Variants in PINX1 observed in about 807,000 individuals in gnomAD.
PINX1 encodes the protein PIN2 (TERF1) interacting telomerase inhibitor 1, also known as PIN2/TERF1-interacting telomerase inhibitor 1.
In PINX1, 34 loss-of-function variants were observed where a neutral mutation model predicts 25.4. The ratio of observed to expected loss-of-function variants is 1.34; its 90% CI spans 1.02 to 1.78. The LOEUF (loss-of-function observed/expected upper bound fraction) is 1.78. PINX1 is among the 40% of genes most tolerant of loss of function. The pLI, the probability that PINX1 is intolerant of heterozygous loss-of-function variation, is 0.00. For missense variants in PINX1, 592 were observed against 404.9 expected, an observed-to-expected ratio of 1.46 and a Z score of -3.97; for synonymous variants, 197 against 147.7, an observed-to-expected ratio of 1.33 and a Z score of -2.42.
chr8:10,813,911 G>C (rs1214916257), intron 6 of PINX1, among the ~76,000 whole-genome samples: 3 of 138,976 alleles, frequency 2.2e-5, no homozygotes, highest in Non-Finnish European at 4.8e-5. Context: ...AAATGAGAGA[G>C]GAAAAAAAAA....
chr8:10,795,553 A>T (rs1802059225), intron 6 of PINX1, among the ~76,000 whole-genome samples: 1 of 152,170 alleles, frequency 6.6e-6, no homozygotes, highest in African/African-American at 2.4e-5. Flanking sequence ...GGCACACACT[A>T]CCATGCCTGG....
intron 6 of PINX1, among the ~76,000 whole-genome samples, chr8:10,818,771 G>C (rs1300106279): frequency 6.6e-6 from 1 of 152,158 alleles, no homozygotes; most frequent in Non-Finnish European, 1.5e-5. Flanking sequence ...CTGTTGGGCA[G>C]AGCAAAGGAG....
Position 10,819,729 on chromosome 8 carries a change from G to A in PINX1, c.471+464C>T, listed in dbSNP as rs879700393. On this transcript the variant is annotated intron_variant, in intron 6 of 6. Coordinates refer to ENST00000314787, the MANE Select transcript of PINX1 (RefSeq NM_017884.6). The stretch of plus-strand genomic sequence containing the variant: ...TACCCATCAAACCCCCTTATAGATG[G>A]TGCTGATCTAGCGCTGTCTCAAATG... 5.3e-5 allele frequency among the ~76,000 whole-genome samples: 8 copies of A among 152,304 alleles called. No individual in the cohort carries two copies. In the East Asian group the frequency reaches 9.6e-4, roughly 18 times the overall value.
At chr8:10,837,677 G>A (rs1173737938) in intron 1 of PINX1, among the ~76,000 whole-genome samples, 3 of 151,944 alleles carry the variant, frequency 2.0e-5, no homozygotes, top group Non-Finnish European at 2.9e-5. Context: ...TGGGTCTGTC[G>A]GGATACTTTT....
intron 1 of PINX1, among the ~76,000 whole-genome samples, chr8:10,839,263 C>T (rs1176466382): frequency 6.6e-6 from 1 of 152,206 alleles, no homozygotes; most frequent in Non-Finnish European, 1.5e-5. Context: ...AAGTGGCTGA[C>T]GTCCCATATT....
intron 6 of PINX1, among the ~76,000 whole-genome samples, chr8:10,772,127 A>C (rs1801245676): frequency 6.6e-6 from 1 of 152,264 alleles, no homozygotes; most frequent in Non-Finnish European, 1.5e-5. Flanking sequence ...TTCTTGCTAA[A>C]GAAGAGAACT....
chr8:10,784,376 C>G lies in PINX1; in HGVS notation c.472-18460G>C, dbSNP rs150690033. Among the ~76,000 whole-genome samples the G allele has an allele frequency of 1.1e-3, 173 of 152,262 alleles. 2 individuals carry two copies. Among genetic ancestry groups the G allele is most frequent in the African/African-American group, 3.9e-3 (162 of 41,550 alleles). On this transcript the variant is annotated intron_variant, in intron 6 of 6. Coordinates refer to ENST00000314787, the MANE Select transcript of PINX1 (RefSeq NM_017884.6). ...CTAAAACTTTTAACAATTTGGGAAT[C>G]GGAATTCGATACATTATTTTAAAGC...
chr8:10,809,846 T>A (rs1370286691), intron 6 of PINX1, among the ~76,000 whole-genome samples: 1 of 152,262 alleles, frequency 6.6e-6, no homozygotes, highest in Non-Finnish European at 1.5e-5. Flanking sequence ...TAGTCTGTTT[T>A]TGTATTGCTA....
chr8:10,771,367 T>C (rs747925061), intron 6 of PINX1: 15 of 152,242 alleles, frequency 9.9e-5, no homozygotes, highest in Non-Finnish European at 1.8e-4. Context: ...GTCCCGTGCA[T>C]CACTTTCTTG....
At chr8:10,810,929 A>G (rs1797495954) in intron 6 of PINX1, among the ~76,000 whole-genome samples, 1 of 152,250 alleles carries the variant, frequency 6.6e-6, no homozygotes, top group South Asian at 2.1e-4. Flanking sequence ...CAGTAGGTTT[A>G]TATTAAATAT....
intron 6 of PINX1, among the ~76,000 whole-genome samples, chr8:10,802,293 C>G (rs1326717425): frequency 2.0e-5 from 3 of 152,162 alleles, no homozygotes; most frequent in Non-Finnish European, 4.4e-5. Flanking sequence ...GCCAAGGAGA[C>G]AAACTTCTGT....
intron 6 of PINX1, among the ~76,000 whole-genome samples, chr8:10,776,820 G>C (rs946901325): frequency 1.4e-4 from 22 of 152,142 alleles, no homozygotes; most frequent in African/African-American, 5.3e-4. Flanking sequence ...GAGACGCAGA[G>C]CTTTGCCTTC....
At position 10,831,696 on chromosome 8, in the gene PINX1, T is replaced by C. The variant is rs1159776768; in HGVS notation, c.270A>G (p.Glu90=). Residue 90 remains glutamate, a synonymous_variant, in exon 4 of 7, where the codon GAA becomes GAG. Transcript: ENST00000314787. The stretch of plus-strand genomic sequence containing the variant: ...TTTCCTGCCCATGGCAAGTGTTCAG[T>C]TCGGCCAGAAGCTGGTTAAAATCAT... ...HQDDFNQLLA[E]LNTCHGQETT... 3.1e-6 allele frequency: 5 copies of C among 1,605,226 alleles called. No individual in the cohort carries two copies. The Admixed American group carries it at 8.4e-5, about 27-fold the overall frequency.
At chr8:10,773,579 A>G (rs992083200) in intron 6 of PINX1, among the ~76,000 whole-genome samples, 1 of 152,252 alleles carries the variant, frequency 6.6e-6, no homozygotes, top group Non-Finnish European at 1.5e-5. Flanking sequence ...GCTGGACTTT[A>G]GTAGAGAAAT....
At chr8:10,810,761 T>C (rs1797485966) in intron 6 of PINX1, among the ~76,000 whole-genome samples, 1 of 152,180 alleles carries the variant, frequency 6.6e-6, no homozygotes, top group Admixed American at 6.5e-5. Context: ...TATTAGAAGG[T>C]CACTGCCTTA....
intron 5 of PINX1, among the ~76,000 whole-genome samples, chr8:10,825,196 G>C (rs990713393): frequency 2.0e-5 from 3 of 152,190 alleles, no homozygotes; most frequent in Admixed American, 6.5e-5. Flanking sequence ...TCAGAGTAGT[G>C]GGGATTCCAG....
chr8:10,801,907 G>C (rs1586169945), intron 6 of PINX1, among the ~76,000 whole-genome samples: 1 of 152,084 alleles, frequency 6.6e-6, no homozygotes, highest in East Asian at 1.9e-4. Context: ...CTTGTCACAG[G>C]AAGTGTCAAG....
intron 6 of PINX1, among the ~76,000 whole-genome samples, chr8:10,775,935 G>C (rs1801379097): frequency 6.6e-6 from 1 of 152,094 alleles, no homozygotes; most frequent in African/African-American, 2.4e-5. Context: ...AGCGGGGTGG[G>C]GGCAACCCAA....
At chr8:10,780,544 A>G (rs1801554044) in intron 6 of PINX1, among the ~76,000 whole-genome samples, 1 of 152,168 alleles carries the variant, frequency 6.6e-6, no homozygotes, top group South Asian at 2.1e-4. Context: ...TTGCACGCCA[A>G]GGATAAATCC....
Sources: gnomAD v4.1 joint callset for allele counts (sites outside exome capture counted in the v4.1 genomes callset) on GRCh38, gnomAD v4.1.1 for gene constraint, MANE v1.5 for transcripts, NCBI Gene and HGNC (gene_info 2026-07-23, HGNC 2026-07-21) for gene names.